PKIB: variants seen among roughly 807,000 people sequenced by gnomAD.
PKIB encodes PKI-beta.
A neutral mutation model predicts 4.5 loss-of-function variants in PKIB; 2 were observed. That is an observed-to-expected ratio of 0.44 (90% CI 0.18 to 1.39). The LOEUF is 1.39. PKIB is among the 40% of genes most tolerant of loss of function. The probability of loss-of-function intolerance (pLI) is 0.27; values close to 1 mark genes in which losing one functional copy is unlikely to be tolerated. For synonymous variants in PKIB, 38 were observed against 36.0 expected, an observed-to-expected ratio of 1.06 and a Z score of -0.20; for missense variants, 94 against 92.6, an observed-to-expected ratio of 1.02 and a Z score of -0.06.
At chr6:122,568,560 C>T (rs1377646305) in intron 2 of PKIB, among the ~76,000 whole-genome samples, 1 of 152,200 alleles carries the variant, frequency 6.6e-6, no homozygotes, top group African/African-American at 2.4e-5. Context: ...AAGTGCCTTG[C>T]AAGCAATCCC....
chr6:122,525,685 A>G (rs1269937148), intron 2 of PKIB, among the ~76,000 whole-genome samples: 1 of 152,234 alleles, frequency 6.6e-6, no homozygotes, highest in Non-Finnish European at 1.5e-5. Flanking sequence ...TGGCTAAAAA[A>G]TGCTGATGAT....
At chr6:122,473,869 A>G (rs1775378644) in intron 1 of PKIB, among the ~76,000 whole-genome samples, 2 of 152,252 alleles carry the variant, frequency 1.3e-5, no homozygotes, top group South Asian at 4.1e-4. Context: ...ATGGTGGCTC[A>G]CACCCATTAT....
At chr6:122,608,856 C>T (rs1267636545), upstream of PKIB, among the ~76,000 whole-genome samples, 1 of 152,062 alleles carries the variant, frequency 6.6e-6, no homozygotes, top group African/African-American at 2.4e-5. Flanking sequence ...TCATAAAAAT[C>T]CAATCATGAT....
intron 3 of PKIB, among the ~76,000 whole-genome samples, chr6:122,591,946 G>T (rs908605291): frequency 6.7e-6 from 1 of 150,246 alleles, no homozygotes; most frequent in African/African-American, 2.5e-5. Context: ...TGAACTATTT[G>T]GTTATTAATG....
intron 2 of PKIB, among the ~76,000 whole-genome samples, chr6:122,577,981 C>T (rs1773598758): frequency 1.3e-5 from 2 of 148,792 alleles, no homozygotes; most frequent in Non-Finnish European, 3.0e-5. Flanking sequence ...GATAAACAGA[C>T]AAAAGCATAG....
intron 2 of PKIB, among the ~76,000 whole-genome samples, chr6:122,567,620 A>G (rs1293434704): frequency 3.3e-5 from 5 of 152,242 alleles, no homozygotes; most frequent in Admixed American, 6.5e-5. Flanking sequence ...AATCTGAAAT[A>G]CTATTAAATG....
At chr6:122,514,267 T>C (rs1776677120) in intron 2 of PKIB, among the ~76,000 whole-genome samples, 1 of 152,154 alleles carries the variant, frequency 6.6e-6, no homozygotes, top group East Asian at 1.9e-4. Flanking sequence ...TTCCTTTTGG[T>C]TTGGGGTCAC....
At chr6:122,657,056 T>C (rs1333620209) in intron 2 of PKIB, among the ~76,000 whole-genome samples, 4 of 152,234 alleles carry the variant, frequency 2.6e-5, no homozygotes, top group Admixed American at 2.6e-4. Context: ...GTTTATAACA[T>C]GATGCTATGG....
intron 2 of PKIB, among the ~76,000 whole-genome samples, chr6:122,662,467 C>T (rs1777046997): frequency 6.6e-6 from 1 of 151,234 alleles, no homozygotes; most frequent in Non-Finnish European, 1.5e-5. Flanking sequence ...AGGCATGCAC[C>T]ACCGTGCCCA....
intron 3 of PKIB, among the ~76,000 whole-genome samples, chr6:122,596,728 A>C (rs1774189485): frequency 6.6e-6 from 1 of 152,174 alleles, no homozygotes; most frequent in Non-Finnish European, 1.5e-5. Context: ...CACCTATGAG[A>C]GCCTGCCAAA....
chr6:122,591,657 C>T (rs1774023735), intron 3 of PKIB, among the ~76,000 whole-genome samples: 1 of 152,056 alleles, frequency 6.6e-6, no homozygotes, highest in South Asian at 2.1e-4. Flanking sequence ...TGTAACCCTT[C>T]AGATAAAAAT....
chr6:122,714,792 C>T (rs4946629), intron 3 of PKIB, among the ~76,000 whole-genome samples: 59,901 of 151,868 alleles, frequency 0.39, 13,159 homozygotes, highest in African/African-American at 0.56. Flanking sequence ...AGTTTACCTA[C>T]GTAACAAACT....
rs928017430 is a variant in PKIB at position 122,653,505 on chromosome 6, G to C, written c.-76+20138G>C. 9.4e-5 allele frequency among the ~76,000 whole-genome samples: 14 copies of C among 149,428 alleles called. 1 individual carries two copies. Among genetic ancestry groups the C allele is most frequent in the Admixed American group, 8.8e-4 (13 of 14,786 alleles). ...GAGAGATTTTTATGAAGAACCTCTA[G>C]AGCAGGTTTTCTGATGTTTTATCAT... is the stretch of plus-strand genomic sequence containing the variant. On this transcript the variant is annotated intron_variant, in intron 2 of 4. Coordinates refer to ENST00000368452, the MANE Select transcript of PKIB (RefSeq NM_181795.3).
At chr6:122,489,908 A>T (rs1251731475) in intron 2 of PKIB, among the ~76,000 whole-genome samples, 1 of 152,152 alleles carries the variant, frequency 6.6e-6, no homozygotes, top group Non-Finnish European at 1.5e-5. Flanking sequence ...GCTTTTTGAG[A>T]TCTATTTTTC....
chr6:122,553,055 C>G (rs897380963), intron 2 of PKIB, among the ~76,000 whole-genome samples: 1 of 152,078 alleles, frequency 6.6e-6, no homozygotes, highest in Non-Finnish European at 1.5e-5. Flanking sequence ...TATAAACTCT[C>G]CCTGTTCAAA....
chr6:122,674,063 G>A (rs2114953815), intron 2 of PKIB, among the ~76,000 whole-genome samples: 1 of 152,234 alleles, frequency 6.6e-6, no homozygotes, highest in Non-Finnish European at 1.5e-5. Context: ...GGATTCTACT[G>A]GTGGAGTGTG....
intron 2 of PKIB, among the ~76,000 whole-genome samples, chr6:122,558,725 T>A (rs767239643): frequency 1.3e-5 from 2 of 152,310 alleles, no homozygotes; most frequent in African/African-American, 2.4e-5. Context: ...TCTATTTTTT[T>A]AAATTTTATT....
At chr6:122,576,710 A>ATTTTTTTT (rs761840714) in intron 2 of PKIB, among the ~76,000 whole-genome samples, 8 of 109,986 alleles carry the variant, frequency 7.3e-5, no homozygotes, top group African/African-American at 3.2e-4. Flanking sequence ...ATATATATAT[A>ATTTTTTTT]TTTTCTTTTG....
intron 3 of PKIB, among the ~76,000 whole-genome samples, chr6:122,680,185 T>C (rs1777843230): frequency 1.3e-5 from 2 of 152,234 alleles, no homozygotes; most frequent in South Asian, 4.1e-4. Context: ...CATGAATACA[T>C]AGGAGCCTTC....
Sources: gnomAD v4.1 joint callset for allele counts (sites outside exome capture counted in the v4.1 genomes callset) on GRCh38, gnomAD v4.1.1 for gene constraint, MANE v1.5 for transcripts, NCBI Gene and HGNC (gene_info 2026-07-23, HGNC 2026-07-21) for gene names.